The following PTPRT variants were observed in gnomAD, a reference collection of about 807,000 sequenced individuals.
PTPRT encodes protein tyrosine phosphatase receptor type T, also known as receptor-type tyrosine-protein phosphatase T.
In PTPRT, 56 loss-of-function variants were observed where a neutral mutation model predicts 176.8. That is an observed-to-expected ratio of 0.32 (90% CI 0.26 to 0.40). The LOEUF (loss-of-function observed/expected upper bound fraction) is 0.40, where lower values mean the gene tolerates loss of function less well. PTPRT is among the 10% of genes least tolerant of loss of function. PTPRT has a pLI of 1.00. For missense variants in PTPRT, 1,540 were observed against 1,908.2 expected (o/e 0.81, Z 3.60); for synonymous variants, 783 against 739.0 (o/e 1.06, Z -0.96).
intron 7 of PTPRT, among the ~76,000 whole-genome samples, chr20:42,488,465 T>C (rs905038925): frequency 2.0e-5 from 3 of 152,210 alleles, no homozygotes; most frequent in Non-Finnish European, 4.4e-5. Flanking sequence ...ACCATTACTA[T>C]TTTAATTTAT....
At chr20:42,307,877 G>A (rs781703942) in intron 12 of PTPRT, among the ~76,000 whole-genome samples, 5 of 152,160 alleles carry the variant, frequency 3.3e-5, no homozygotes, top group Non-Finnish European at 5.9e-5. Context: ...TGATGAAACA[G>A]GTTGCAGTAA....
intron 18 of PTPRT, among the ~76,000 whole-genome samples, chr20:42,135,844 G>T (rs1988347270): frequency 6.6e-6 from 1 of 152,088 alleles, no homozygotes; most frequent in South Asian, 2.1e-4. Flanking sequence ...AGGGATGAGG[G>T]CTTCTTTATA....
intron 7 of PTPRT, among the ~76,000 whole-genome samples, chr20:42,507,115 C>T (rs2071860703): frequency 6.6e-6 from 1 of 152,094 alleles, no homozygotes; most frequent in African/African-American, 2.4e-5. Flanking sequence ...TTGTTTCCCA[C>T]TCACTTTATA....
At position 42,648,820 on chromosome 20, in the gene PTPRT, G is replaced by GTTGTTTTTTTTTTTTTT. The variant is rs1310734163; in HGVS notation, c.1153+29045_1153+29046insAAAAAAAAAAAAAACAA. ...GGGGATTTTTTTTTTTGGTGTCGTTGTTTTTTTTTTTTTTTTTTGACAGAG... is the reference window on the plus strand; with the variant it reads ...GGGGATTTTTTTTTTTGGTGTCGTTGTTGTTTTTTTTTTTTTTTTTTTTTTTTTTTTTTTTGACAGAG... On this transcript the variant is annotated intron_variant, in intron 7 of 30. Coordinates refer to ENST00000373187, the MANE Select transcript of PTPRT (RefSeq NM_007050.6). 3.7e-4 allele frequency among the ~76,000 whole-genome samples: 41 copies of GTTGTTTTTTTTTTTTTT among 111,836 alleles called. 1 individual carries two copies. Among genetic ancestry groups the GTTGTTTTTTTTTTTTTT allele is most frequent in the African/African-American group, 1.5e-3 (41 of 26,880 alleles). The allele number at this position is 111,836 out of a possible 152,430, so 73.4% of individuals were successfully genotyped here. A position where few individuals can be genotyped will look rare whatever the true frequency, so the allele number is the denominator to read the frequency against.
intron 2 of PTPRT, among the ~76,000 whole-genome samples, chr20:42,806,215 G>A (rs2077606167): frequency 1.3e-5 from 2 of 152,018 alleles, no homozygotes; most frequent in African/African-American, 4.8e-5. Flanking sequence ...GCCAGGTGCG[G>A]TAGCTCACCC....
intron 16 of PTPRT, among the ~76,000 whole-genome samples, chr20:42,174,932 G>T (rs2146559259): frequency 6.6e-6 from 1 of 152,266 alleles, no homozygotes; most frequent in South Asian, 2.1e-4. Context: ...CACATCAGAG[G>T]TTATAATTGT....
At chr20:42,227,666 G>A (rs1453626252) in intron 15 of PTPRT, among the ~76,000 whole-genome samples, 2 of 134,370 alleles carry the variant, frequency 1.5e-5, no homozygotes, top group African/African-American at 5.7e-5. Context: ...GGAGTGCAAT[G>A]GTATGATCTC....
At chr20:42,084,656 C>A in intron 29 of PTPRT, 26 bp downstream of exon 29, 1 of 1,408,336 alleles carries the variant, frequency 7.1e-7, no homozygotes, top group Non-Finnish European at 9.4e-7. Context: ...ACCCTATTGC[C>A]CTGGTGACAC....
At chr20:42,053,005 C>T in the PTPRT span, among the ~76,000 whole-genome samples, 2 of 152,154 alleles carry the variant, frequency 1.3e-5, no homozygotes, top group Non-Finnish European at 2.9e-5. Context: ...TCAACTCTGC[C>T]ATAGACAATT....
Position 42,076,798 on chromosome 20 carries a change from G to T in PTPRT, c.*4081C>A. On this transcript the variant is annotated 3_prime_UTR_variant, in exon 31 of 31. Transcript: ENST00000373187. ...ACAAGGCTAAATCAGAAAGTGGAAT[G>T]CAAATTTTGCATGAATTGTGAACGT... 5.0e-6 allele frequency: 1 copy of T among 201,292 alleles called. No individual in the cohort carries two copies. 12.5% of individuals were successfully genotyped at this position (201,292 alleles called of 1,614,324 possible). A position where few individuals can be genotyped will look rare whatever the true frequency, so the allele number is the denominator to read the frequency against.
intron 1 of PTPRT, among the ~76,000 whole-genome samples, chr20:43,085,957 A>AC (rs1203181002): frequency 1.1e-4 from 16 of 150,834 alleles, no homozygotes; most frequent in East Asian, 2.0e-4. Flanking sequence ...TGTCTTCCCC[A>AC]CCCCCCCACA....
intron 12 of PTPRT, among the ~76,000 whole-genome samples, chr20:42,295,093 A>G (rs1292723206): frequency 6.6e-6 from 1 of 152,178 alleles, no homozygotes; most frequent in African/African-American, 2.4e-5. Flanking sequence ...ATTGGAAGTA[A>G]AAGAAGTCCC....
intron 2 of PTPRT, among the ~76,000 whole-genome samples, chr20:42,857,232 T>C (rs2078579753): frequency 6.6e-6 from 1 of 152,228 alleles, no homozygotes. Flanking sequence ...GGGTTAGAAC[T>C]AGCTATCCTG....
intron 11 of PTPRT, among the ~76,000 whole-genome samples, chr20:42,334,028 C>A (rs1265473865): frequency 1.3e-5 from 2 of 152,090 alleles, no homozygotes; most frequent in African/African-American, 4.8e-5. Flanking sequence ...TAGACAAAAC[C>A]CACATAAACA....
intron 1 of PTPRT, among the ~76,000 whole-genome samples, chr20:42,903,696 T>C (rs1215480114): frequency 6.6e-6 from 1 of 152,020 alleles, no homozygotes; most frequent in African/African-American, 2.4e-5. Context: ...GGATGGAAGG[T>C]TTTTAAGGAC....
intron 12 of PTPRT, among the ~76,000 whole-genome samples, chr20:42,304,191 G>A (rs567391139): frequency 6.6e-6 from 1 of 152,228 alleles, no homozygotes; most frequent in South Asian, 2.1e-4. Flanking sequence ...CAGCCAGTGT[G>A]TCAGCTGCCG....
intron 11 of PTPRT, among the ~76,000 whole-genome samples, chr20:42,329,884 G>A (rs2057942945): frequency 6.6e-6 from 1 of 151,996 alleles, no homozygotes; most frequent in African/African-American, 2.4e-5. Flanking sequence ...ATTGTGATAA[G>A]GATCAAAGAT....
At chr20:43,043,248 C>G (rs1322500369) in intron 1 of PTPRT, among the ~76,000 whole-genome samples, 1 of 152,074 alleles carries the variant, frequency 6.6e-6, no homozygotes, top group Non-Finnish European at 1.5e-5. Flanking sequence ...CTCCCTCAGC[C>G]CTCAGGGAGG....
At chr20:42,409,481 CAAAAAAAAAAAAAA>C (rs58932390) in intron 9 of PTPRT, among the ~76,000 whole-genome samples, 19 of 112,160 alleles carry the variant, frequency 1.7e-4, no homozygotes, top group African/African-American at 5.8e-4. Context: ...GACTCTGTCG[CAAAAAAAAAAAAAA>C]AAAAAAAAAA....
Sources: allele counts gnomAD v4.1 joint callset (sites outside exome capture counted in the v4.1 genomes callset), GRCh38; gene constraint gnomAD v4.1.1; transcripts MANE v1.5; gene names NCBI Gene and HGNC (gene_info 2026-07-23, HGNC 2026-07-21).